Variants in NCAM2 observed in about 807,000 individuals in gnomAD.
The protein encoded by NCAM2 is neural cell adhesion molecule 2.
In NCAM2, 30 loss-of-function variants were observed where a neutral mutation model predicts 98.1. The observed-to-expected ratio is 0.31, with a 90% CI of 0.23 to 0.41. NCAM2 has a LOEUF of 0.41. Ranked by LOEUF, NCAM2 falls within the 10% of genes least tolerant of loss-of-function variation. NCAM2 has a pLI of 1.00. For missense variants in NCAM2, 867 were observed against 1,005.8 expected (o/e 0.86, Z 1.87); for synonymous variants, 368 against 342.4 (o/e 1.07, Z -0.83).
At chr21:21,210,981 C>CACACACAA (rs1400286072) in intron 1 of NCAM2, among the ~76,000 whole-genome samples, 6 of 19,108 alleles carry the variant, frequency 3.1e-4, no homozygotes, top group African/African-American at 4.1e-4. Flanking sequence ...CACACACACA[C>CACACACAA]ACACACACAC....
chr21:21,486,901 A>G (rs1256571878), intron 15 of NCAM2, among the ~76,000 whole-genome samples: 2 of 152,182 alleles, frequency 1.3e-5, no homozygotes, highest in Non-Finnish European at 2.9e-5. Flanking sequence ...GATTTTAAGC[A>G]TCTAAGTGTG....
intron 1 of NCAM2, among the ~76,000 whole-genome samples, chr21:21,113,461 G>T (rs1039228113): frequency 6.6e-6 from 1 of 152,104 alleles, no homozygotes; most frequent in African/African-American, 2.4e-5. Context: ...ATTTTCTGTG[G>T]CAAACAGATA....
intron 1 of NCAM2, among the ~76,000 whole-genome samples, chr21:21,194,168 T>G (rs1021180187): frequency 1.3e-5 from 2 of 152,204 alleles, no homozygotes; most frequent in Admixed American, 1.3e-4. Context: ...ATAGGACAAA[T>G]TCTAAGCTTC....
chr21:21,126,051 A>G (rs148486128), intron 1 of NCAM2, among the ~76,000 whole-genome samples: 84 of 151,934 alleles, frequency 5.5e-4, no homozygotes, highest in African/African-American at 1.8e-3. Flanking sequence ...TAACACGCGC[A>G]TGAAAACTGG....
At chr21:21,214,301 C>A (rs1033778410) in intron 1 of NCAM2, among the ~76,000 whole-genome samples, 3 of 152,082 alleles carry the variant, frequency 2.0e-5, no homozygotes, top group African/African-American at 7.2e-5. Flanking sequence ...TTTCTGCATT[C>A]TTTAGTAATG....
intron 15 of NCAM2, among the ~76,000 whole-genome samples, chr21:21,483,051 T>C (rs1986033085): frequency 6.6e-6 from 1 of 152,030 alleles, no homozygotes; most frequent in African/African-American, 2.4e-5. Flanking sequence ...ACTTCTGGAC[T>C]GGATATAATC....
chr21:21,514,083 T>C (rs1377151916), intron 16 of NCAM2, among the ~76,000 whole-genome samples: 1 of 151,450 alleles, frequency 6.6e-6, no homozygotes, highest in Non-Finnish European at 1.5e-5. Flanking sequence ...GCTATACATA[T>C]AAATTATGTA....
intron 8 of NCAM2, among the ~76,000 whole-genome samples, chr21:21,355,383 AC>A (rs2075444360): frequency 6.8e-6 from 1 of 147,388 alleles, no homozygotes; most frequent in Admixed American, 6.9e-5. Context: ...AATCACTTGA[AC>A]CCAGGAAGCA....
intron 1 of NCAM2, among the ~76,000 whole-genome samples, chr21:21,083,864 T>C (rs539106612): frequency 1.3e-4 from 20 of 152,318 alleles, no homozygotes; most frequent in African/African-American, 4.8e-4. Context: ...AACTAGGATA[T>C]TGACATTGAT....
chr21:21,338,285 A>G, intron 7 of NCAM2, 104 bp from the exon 8 acceptor site: 2 of 1,064,644 alleles, frequency 1.9e-6, no homozygotes, highest in Non-Finnish European at 2.7e-6. Flanking sequence ...AAAGCTAATA[A>G]TATCATACTA....
At chr21:21,275,169 G>A (rs938554480) in intron 1 of NCAM2, among the ~76,000 whole-genome samples, 2 of 151,990 alleles carry the variant, frequency 1.3e-5, no homozygotes, top group Non-Finnish European at 2.9e-5. Context: ...GACCGGGCGC[G>A]GTGGCTCACG....
At chr21:21,245,021 G>T (rs573222404) in intron 1 of NCAM2, among the ~76,000 whole-genome samples, 1 of 152,066 alleles carries the variant, frequency 6.6e-6, no homozygotes, top group East Asian at 1.9e-4. Context: ...TATTCAAGGG[G>T]GTATACACAC....
At chr21:21,385,730 T>A in intron 9 of NCAM2, 10 of 1,098,568 alleles carry the variant, frequency 9.1e-6, no homozygotes, top group South Asian at 2.8e-5. Flanking sequence ...GCATGTGATA[T>A]ACAGTTTAAT....
intron 1 of NCAM2, among the ~76,000 whole-genome samples, chr21:21,051,594 A>G (rs571997970): frequency 9.2e-5 from 14 of 152,346 alleles, no homozygotes; most frequent in Non-Finnish European, 1.8e-4. Context: ...ATTAGTAATA[A>G]TAAGTGTTTT....
At chr21:21,282,849 A>T (rs2072977201) in intron 2 of NCAM2, among the ~76,000 whole-genome samples, 1 of 151,900 alleles carries the variant, frequency 6.6e-6, no homozygotes, top group Non-Finnish European at 1.5e-5. Flanking sequence ...AAAGAAAACA[A>T]TTATAACAGC....
intron 8 of NCAM2, among the ~76,000 whole-genome samples, chr21:21,341,946 G>T (rs1289726109): frequency 1.3e-5 from 2 of 151,998 alleles, no homozygotes; most frequent in African/African-American, 4.8e-5. Flanking sequence ...GTTCTCTTTG[G>T]GGTGGTCCTT....
At position 21,465,735 on chromosome 21, in the gene NCAM2, AC is replaced by A. The variant is rs140471830; in HGVS notation, c.1655-870del. Among the ~76,000 whole-genome samples the A allele has an allele frequency of 1.2e-3, 180 of 152,192 alleles. 1 individual carries two copies. The highest frequency in any genetic ancestry group is 1.9e-3 in the Non-Finnish European group (129 of 67,984). ...GACTTGGAGTTACTGTGTAAACCAG[AC>A]ATAACTTCCTTTTGATTTTCATCAA... On this transcript the variant is annotated intron_variant, in intron 12 of 17. Coordinates refer to ENST00000400546, the MANE Select transcript of NCAM2 (RefSeq NM_004540.5).
At chr21:21,299,228 A>G (rs1486813191) in intron 5 of NCAM2, among the ~76,000 whole-genome samples, 3 of 151,352 alleles carry the variant, frequency 2.0e-5, no homozygotes, top group Non-Finnish European at 2.9e-5. Context: ...CTAGAGGATA[A>G]CCTATGAAAC....
intron 1 of NCAM2, among the ~76,000 whole-genome samples, chr21:21,264,248 T>C (rs1320504864): frequency 6.6e-6 from 1 of 152,066 alleles, no homozygotes; most frequent in African/African-American, 2.4e-5. Context: ...GAATAAATGC[T>C]AAACATCAGT....
Sources: gnomAD v4.1 joint callset for allele counts (sites outside exome capture counted in the v4.1 genomes callset) on GRCh38, gnomAD v4.1.1 for gene constraint, MANE v1.5 for transcripts, NCBI Gene and HGNC (gene_info 2026-07-23, HGNC 2026-07-21) for gene names.